Variants in TRMT11 observed in about 807,000 individuals in gnomAD.
TRMT11 encodes the protein tRNA (guanine(10)-N(2))-methyltransferase TRMT11.
In TRMT11, 53 loss-of-function variants were observed where a neutral mutation model predicts 62.8. That is an observed-to-expected ratio of 0.84 (90% CI 0.68 to 1.06). TRMT11 has a LOEUF of 1.06. Ranked by LOEUF, TRMT11 falls within the 50% of genes least tolerant of loss-of-function variation. The pLI is 0.00. For missense variants in TRMT11, 556 were observed against 553.4 expected (o/e 1.00, Z -0.05); for synonymous variants, 188 against 190.3 (o/e 0.99, Z 0.10).
chr6:126,015,148 C>T (rs147707854), intron 11 of TRMT11, among the ~76,000 whole-genome samples: 116 of 152,098 alleles, frequency 7.6e-4, no homozygotes, highest in African/African-American at 2.6e-3. Context: ...ATACAGAAAA[C>T]TCCCATCTCT....
At chr6:126,006,252 A>G (rs1406324315) in intron 7 of TRMT11, among the ~76,000 whole-genome samples, 3 of 151,898 alleles carry the variant, frequency 2.0e-5, no homozygotes, top group African/African-American at 4.8e-5. Context: ...TTCTTTTTTT[A>G]AAAAAGATAA....
chr6:126,261,217 A>G, the TRMT11 span, among the ~76,000 whole-genome samples: 1 of 151,998 alleles, frequency 6.6e-6, no homozygotes, highest in Non-Finnish European at 1.5e-5. Context: ...AAAGCTCTCA[A>G]TTGTAGTTTT....
chr6:126,022,580 G>A (rs565555179), intron 12 of TRMT11, among the ~76,000 whole-genome samples: 4 of 151,984 alleles, frequency 2.6e-5, no homozygotes, highest in Admixed American at 1.3e-4. Context: ...CCTTCATACC[G>A]CTAGTTTATA....
At chr6:126,151,838 C>CTTTCTTTCTTTCTTTGTTTCTTTG (rs1562334779) in intron 21 of TRMT11, among the ~76,000 whole-genome samples, 1 of 129,484 alleles carries the variant, frequency 7.7e-6, no homozygotes, top group African/African-American at 3.0e-5. Context: ...TTCTTTCTTT[C>CTTTCTTTCTTTCTTTGTTTCTTTG]TTTCTTTCTT....
At chr6:126,151,475 C>T (rs181061859) in intron 21 of TRMT11, among the ~76,000 whole-genome samples, 140 of 152,164 alleles carry the variant, frequency 9.2e-4, no homozygotes, top group Non-Finnish European at 2.6e-4. Context: ...TGACTTTCTT[C>T]TACATCTTAC....
chr6:126,106,080 C>A (rs192025246), intron 17 of TRMT11, among the ~76,000 whole-genome samples: 81 of 152,176 alleles, frequency 5.3e-4, no homozygotes, highest in African/African-American at 1.8e-3. Flanking sequence ...GTTTCCGTTT[C>A]CACTCCTGGT....
intron 21 of TRMT11, among the ~76,000 whole-genome samples, chr6:126,122,119 G>GC (rs1284077538): frequency 4.6e-5 from 7 of 152,076 alleles, no homozygotes; most frequent in African/African-American, 1.7e-4. Context: ...ATGCTGTCTT[G>GC]CCTGCCATGT....
At chr6:126,161,107 T>A (rs565380887) in intron 21 of TRMT11, among the ~76,000 whole-genome samples, 39 of 152,254 alleles carry the variant, frequency 2.6e-4, no homozygotes, top group African/African-American at 8.9e-4. Flanking sequence ...ATACTTTAAG[T>A]TCTGGGATAC....
the TRMT11 span, among the ~76,000 whole-genome samples, chr6:126,218,546 A>G: frequency 6.6e-6 from 1 of 152,354 alleles, no homozygotes; most frequent in South Asian, 2.1e-4. Context: ...ATGGGGCCTC[A>G]GGATTCTGCC....
chr6:126,151,806 T>TTTTCTCTTTC lies in TRMT11; in HGVS notation c.*1824-23014_*1824-23013insCTTTCTTTCT, dbSNP rs1554242199. On this transcript the variant is annotated intron_variant and NMD_transcript_variant, in intron 21 of 22. Transcript: ENST00000648977. ...TTTCCTTCCTTCCTTCCTCTCTGTC[T>TTTTCTCTTTC]TTTCTTTCTTTCTTTCTTTCTTTCT... 1.2e-4 allele frequency among the ~76,000 whole-genome samples: 10 copies of TTTTCTCTTTC among 86,954 alleles called. No individual in the cohort carries two copies. The East Asian group carries it at 1.4e-3, about 12-fold the overall frequency. The allele number at this position is 86,954 out of a possible 152,430, so 57.0% of individuals were successfully genotyped here.
the TRMT11 span, among the ~76,000 whole-genome samples, chr6:126,231,761 A>G: frequency 6.6e-6 from 1 of 152,222 alleles, no homozygotes; most frequent in East Asian, 1.9e-4. Context: ...GGGAATGTCT[A>G]CCTATGCAAC....
At chr6:126,224,629 G>A in the TRMT11 span, among the ~76,000 whole-genome samples, 1 of 152,210 alleles carries the variant, frequency 6.6e-6, no homozygotes, top group Non-Finnish European at 1.5e-5. Flanking sequence ...CATTCCAGCA[G>A]TGGCAGAGTC....
chr6:126,210,343 G>C, the TRMT11 span, among the ~76,000 whole-genome samples: 68 of 152,294 alleles, frequency 4.5e-4, no homozygotes, highest in Non-Finnish European at 6.8e-4. Context: ...GAGGGTCTCA[G>C]TCCTATGACC....
chr6:125,990,127 A>G (rs141550107), intron 1 of TRMT11, among the ~76,000 whole-genome samples: 387 of 152,282 alleles, frequency 2.5e-3, no homozygotes, highest in African/African-American at 8.7e-3. Flanking sequence ...GTTAAAGTAT[A>G]TGATAAAAGG....
chr6:126,247,583 T>A, the TRMT11 span, among the ~76,000 whole-genome samples: 3 of 147,322 alleles, frequency 2.0e-5, no homozygotes, highest in Non-Finnish European at 4.5e-5. Context: ...TATATAATAG[T>A]CATTATAAAA....
At position 126,199,803 on chromosome 6, in the gene TRMT11, C is replaced by G. The variant is rs559356655; in HGVS notation, n.274C>G. The G allele has an allele frequency of 3.3e-5, 5 of 152,238 alleles. No homozygotes were observed. In the South Asian group the frequency reaches 1.0e-3, roughly 32 times the overall value. 9.4% of individuals were successfully genotyped at this position (152,238 alleles called of 1,614,324 possible). ...ATAATGTGGTTAAAGAAGGCAGATT[C>G]TAAGATAGAATTTTGGACCTGGATC... is the stretch of plus-strand genomic sequence containing the variant. On this transcript the variant is annotated non_coding_transcript_exon_variant, in exon 3 of 4. Coordinates refer to the TRMT11 transcript ENST00000444229.
chr6:126,246,116 T>TA, the TRMT11 span, among the ~76,000 whole-genome samples: 33 of 149,282 alleles, frequency 2.2e-4, no homozygotes, highest in African/African-American at 5.6e-4. Flanking sequence ...CCTCGTCTCT[T>TA]AAAAAAAAAA....
chr6:126,025,091 T>G (rs1415454450), intron 12 of TRMT11, among the ~76,000 whole-genome samples: 1 of 152,176 alleles, frequency 6.6e-6, no homozygotes, highest in Non-Finnish European at 1.5e-5. Context: ...GACAAAGCTG[T>G]GGAGACTCTT....
chr6:126,207,225 G>C (rs965340343), downstream of TRMT11, among the ~76,000 whole-genome samples: 1 of 152,180 alleles, frequency 6.6e-6, no homozygotes, highest in Non-Finnish European at 1.5e-5. Context: ...AGAAGGTTAA[G>C]TGACCCACCC....
Sources: gnomAD v4.1 joint callset for allele counts (sites outside exome capture counted in the v4.1 genomes callset) on GRCh38, gnomAD v4.1.1 for gene constraint, MANE v1.5 for transcripts, NCBI Gene and HGNC (gene_info 2026-07-23, HGNC 2026-07-21) for gene names.